Variants in NUDT5 observed in about 807,000 individuals in gnomAD.
The protein encoded by NUDT5 is ADP-sugar pyrophosphatase.
In NUDT5, 21 loss-of-function variants were observed where a neutral mutation model predicts 34.1. The ratio of observed to expected loss-of-function variants is 0.62; its 90% CI spans 0.44 to 0.89. The LOEUF is 0.89. NUDT5 is among the 40% of genes least tolerant of loss of function. NUDT5 has a pLI of 0.00. For missense variants in NUDT5, 249 were observed against 274.8 expected (o/e 0.91, Z 0.66); for synonymous variants, 85 against 97.6 (o/e 0.87, Z 0.76).
In NUDT5 at chr10:12,184,937, C is replaced by A; in HGVS notation, c.83G>T (p.Trp28Leu). The A allele has an allele frequency of 6.3e-7, 1 of 1,576,042 alleles. No homozygotes were observed. The highest frequency in any genetic ancestry group is 8.7e-7 in the Non-Finnish European group (1 of 1,149,506). ...GTACGTTGTTTTTTCAAGCTTGACC[C>A]ATTTTCCTTCTGAAATTAACTAAAA... is the stretch of plus-strand genomic sequence containing the variant. ...ISEELISEGK[W>L]VKLEKTTYMD... Residue 28 changes from tryptophan to leucine, a missense_variant, in exon 3 of 10, where the codon TGG becomes TTG. Transcript: ENST00000491614.
At chr10:12,172,517 C>T (rs764537748) in intron 7 of NUDT5, 32 of 545,908 alleles carry the variant, frequency 5.9e-5, no homozygotes, top group Non-Finnish European at 1.0e-4. Flanking sequence ...GAATACACTT[C>T]ATATAGAAAA....
At position 12,171,012 on chromosome 10, in the gene NUDT5, G is replaced by T; in HGVS notation, c.488-104C>A. On this transcript the variant is annotated intron_variant, in intron 7 of 9. Transcript: ENST00000491614. This position sits in a 1 kb window ranked among gnomAD's most constrained non-coding sequence, Gnocchi z 4.2. The stretch of plus-strand genomic sequence containing the variant: ...AAAAGGCTTTGAGAATTTCACAGAA[G>T]CCTGGGTTTCTGCTAACTTAATTTA... 2 of 1,228,614 alleles carry T rather than the reference G, an allele frequency of 1.6e-6. No homozygotes were observed. The highest frequency in any genetic ancestry group is 2.3e-6 in the Non-Finnish European group (2 of 863,820). The allele number at this position is 1,228,614 out of a possible 1,614,324, so 76.1% of individuals were successfully genotyped here. A position where few individuals can be genotyped will look rare whatever the true frequency, so the allele number is the denominator to read the frequency against.
Position 12,171,531 on chromosome 10 carries a change from G to A in NUDT5, c.488-623C>T, listed in dbSNP as rs373426698. On this transcript the variant is annotated intron_variant, in intron 7 of 9. Coordinates refer to ENST00000491614, the MANE Select transcript of NUDT5 (RefSeq NM_014142.4). The surrounding 1 kb of genome is among the most constrained non-coding windows in gnomAD (Gnocchi z 4.2). ...CAGAGGCGGCCATGAACACAGGCAC[G>A]CAAGTATATGAGTCCCTGTTTCACT... 5.3e-5 allele frequency among the ~76,000 whole-genome samples: 8 copies of A among 152,244 alleles called. No homozygotes were observed. The highest frequency in any genetic ancestry group is 9.6e-5 in the African/African-American group (4 of 41,562).
At position 12,168,742 on chromosome 10, in the gene NUDT5, T is replaced by C. The variant is rs1564420795; in HGVS notation, c.551-931A>G. 6.6e-6 allele frequency among the ~76,000 whole-genome samples: 1 copy of C among 152,154 alleles called. No homozygotes were observed. Among genetic ancestry groups the C allele is most frequent in the Non-Finnish European group, 1.5e-5 (1 of 68,014 alleles). On this transcript the variant is annotated intron_variant, in intron 9 of 9. Coordinates refer to ENST00000491614, the MANE Select transcript of NUDT5 (RefSeq NM_014142.4). The surrounding 1 kb of genome is among the most constrained non-coding windows in gnomAD (Gnocchi z 4.8). ...GGTAACTGGCAGATGCTACTCTTTG[T>C]AGCAAACTGATCTTTTTTTAATTTT...
chr10:12,172,883 CAG>C lies in NUDT5; in HGVS notation c.386-19_386-18del. 1 of 1,548,488 alleles carries C rather than the reference CAG, an allele frequency of 6.5e-7. No homozygotes were observed. The highest frequency in any genetic ancestry group is 8.9e-7 in the Non-Finnish European group (1 of 1,120,792). On this transcript the variant is annotated intron_variant, in intron 6 of 9. Coordinates refer to ENST00000491614, the MANE Select transcript of NUDT5 (RefSeq NM_014142.4). Reference sequence around the variant, plus strand: ...TACAGACCGCTGTGGAGAGAAGGGACAGTCAGATGCGTCAGTCCCTTTGGCAT... The same window carrying C: ...TACAGACCGCTGTGGAGAGAAGGGACTCAGATGCGTCAGTCCCTTTGGCAT...
rs777049277 is a variant in NUDT5, at chr10:12,179,080, T to C, written c.181+3A>G. The C allele has an allele frequency of 6.2e-7, 1 of 1,613,202 alleles. No homozygotes were observed. The highest frequency in any genetic ancestry group is 1.3e-5 in the African/African-American group (1 of 74,908). ...AAGGGTTGGAATAGGTTTGCACTCC[T>C]ACCATCCGCAGTCTGCTCTTTCCTG... is the stretch of plus-strand genomic sequence containing the variant. On this transcript the variant is annotated splice_donor_region_variant and intron_variant, in intron 4 of 9. Coordinates refer to ENST00000491614, the MANE Select transcript of NUDT5 (RefSeq NM_014142.4).
Position 12,184,438 on chromosome 10 carries a change from T to C in NUDT5, c.131+451A>G, listed in dbSNP as rs1053175221. 6 of 1,476,858 alleles carry C rather than the reference T, an allele frequency of 4.1e-6. No individual in the cohort carries two copies. The African/African-American group carries it at 4.2e-5, about 10-fold the overall frequency. The allele number at this position is 1,476,858 out of a possible 1,614,324, so 91.5% of individuals were successfully genotyped here. A position where few individuals can be genotyped will look rare whatever the true frequency, so the allele number is the denominator to read the frequency against. Reference sequence around the variant, plus strand: ...AGGGCTACTGACACATATTATGAAATAGGGTGTACAAAATGTTTTTTTCCC... The same window carrying C: ...AGGGCTACTGACACATATTATGAAACAGGGTGTACAAAATGTTTTTTTCCC... On this transcript the variant is annotated intron_variant, in intron 3 of 9. Transcript: ENST00000491614.
intron 5 of NUDT5, among the ~76,000 whole-genome samples, 200 bp downstream of exon 5, chr10:12,177,593 G>A (rs4750184): frequency 0.34 from 51,395 of 152,054 alleles, 9,268 homozygotes; most frequent in East Asian, 0.42. Context: ...GGTGGGAGGT[G>A]GCCTTGTGTC....
At chr10:12,184,463 C>A in intron 3 of NUDT5, 1 of 1,541,446 alleles carries the variant, frequency 6.5e-7, no homozygotes, top group South Asian at 1.2e-5. Flanking sequence ...GTTTTTTTCC[C>A]AATTTGCATT....
chr10:12,190,737 C>T (rs569218764), intron 1 of NUDT5, among the ~76,000 whole-genome samples: 1 of 150,576 alleles, frequency 6.6e-6, no homozygotes, highest in South Asian at 2.1e-4. Context: ...GCCTCCTGAA[C>T]AGCTGGGATT....
chr10:12,179,470 A>G (rs1197744189), intron 3 of NUDT5, among the ~76,000 whole-genome samples: 3 of 152,238 alleles, frequency 2.0e-5, no homozygotes, highest in Non-Finnish European at 4.4e-5. Flanking sequence ...GTGACAGATT[A>G]ATAAGCAGGT....
Position 12,171,681 on chromosome 10 carries a change from G to GATTT in NUDT5, c.488-777_488-774dup, listed in dbSNP as rs1274881927. The stretch of plus-strand genomic sequence containing the variant: ...TGTATATGTGCAGTTCAAAAATTAA[G>GATTT]ATTTATTTTATTTATTTATTTATTT... On this transcript the variant is annotated intron_variant, in intron 7 of 9. Transcript: ENST00000491614. This position sits in a 1 kb window ranked among gnomAD's most constrained non-coding sequence, Gnocchi z 4.2. Among the ~76,000 whole-genome samples the GATTT allele has an allele frequency of 6.1e-5, 9 of 147,200 alleles. No individual in the cohort carries two copies. The highest frequency in any genetic ancestry group is 2.3e-4 in the African/African-American group (9 of 39,992).
In NUDT5 at chr10:12,166,828, G is replaced by A. The variant is rs1834710450; in HGVS notation, c.*874C>T. On this transcript the variant is annotated 3_prime_UTR_variant, in exon 10 of 10. Transcript: ENST00000491614. ...ACACTGGTAGAACTGCTAGATGACA[G>A]GGTTTCAGGCATGGGAACCAGATCA... The A allele has an allele frequency of 4.4e-6, 2 of 459,100 alleles. No individual in the cohort carries two copies. Among genetic ancestry groups the A allele is most frequent in the Non-Finnish European group, 9.0e-6 (2 of 222,040 alleles). 28.4% of individuals were successfully genotyped at this position (459,100 alleles called of 1,614,324 possible).
chr10:12,177,292 G>C (rs1834966109), intron 5 of NUDT5, among the ~76,000 whole-genome samples: 1 of 152,116 alleles, frequency 6.6e-6, no homozygotes, highest in Non-Finnish European at 1.5e-5. Flanking sequence ...GGCCAAGGCA[G>C]GCAGATCACA....
intron 7 of NUDT5, 91 bp downstream of exon 7, chr10:12,172,674 G>A: frequency 2.5e-6 from 2 of 795,964 alleles, no homozygotes; most frequent in Admixed American, 2.0e-5. Flanking sequence ...TTCCATGAAA[G>A]ACTACATTCT....
At position 12,169,972 on chromosome 10, in the gene NUDT5, CT is replaced by C. The variant is rs1381171387; in HGVS notation, c.550+744del. 3 of 687,612 alleles carry C rather than the reference CT, an allele frequency of 4.4e-6. No homozygotes were observed. The highest frequency in any genetic ancestry group is 7.6e-6 in the Non-Finnish European group (3 of 394,070). 42.6% of individuals were successfully genotyped at this position (687,612 alleles called of 1,614,324 possible). ...TTCCCATGATGACAAGTGTCTGCTTCTTTCTAGATGAGTGAAAGGGATTTGC... is the reference window on the plus strand; with the variant it reads ...TTCCCATGATGACAAGTGTCTGCTTCTTCTAGATGAGTGAAAGGGATTTGC... On this transcript the variant is annotated intron_variant, in intron 9 of 9. Transcript: ENST00000491614. The surrounding 1 kb of genome is among the most constrained non-coding windows in gnomAD (Gnocchi z 4.8).
Position 12,167,766 on chromosome 10 carries a change from G to C in NUDT5, c.596C>G (p.Ser199Cys). The change falls in exon 10 of 10, where the codon TCC (serine) becomes TGC (cysteine). Residue 199 changes from serine to cysteine, a missense_variant. Ser to Cys is a moderately radical substitution (Grantham distance 112). Coordinates refer to ENST00000491614, the MANE Select transcript of NUDT5 (RefSeq NM_014142.4). ...TGCATGTTTCAGTGCTAGAGCGTAG[G>C]AATAGACCCTGGCGTCCACTGTGAG... ...EHLTVDARVYSYALALKHANA... is the reference protein window; with the variant it reads ...EHLTVDARVYCYALALKHANA... 6.2e-7 allele frequency: 1 copy of C among 1,614,166 alleles called. No individual in the cohort carries two copies. The highest frequency in any genetic ancestry group is 1.1e-5 in the South Asian group (1 of 91,080).
rs550000634 is a variant in NUDT5, at chr10:12,173,605, A to C, written c.385+113T>G. 2.3e-6 allele frequency: 2 copies of C among 867,078 alleles called. No individual in the cohort carries two copies. The highest frequency in any genetic ancestry group is 2.5e-5 in the East Asian group (1 of 40,566). The allele number at this position is 867,078 out of a possible 1,614,324, so 53.7% of individuals were successfully genotyped here. A position where few individuals can be genotyped will look rare whatever the true frequency, so the allele number is the denominator to read the frequency against. On this transcript the variant is annotated intron_variant, in intron 6 of 9. Transcript: ENST00000491614. This position sits in a 1 kb window ranked among gnomAD's most constrained non-coding sequence, Gnocchi z 4.7. Reference sequence around the variant, plus strand: ...TCCCTTACACTTGGTGACCAGTCCTAATCTGTGATTTCTTTCTCTTCAGTG... The same window carrying C: ...TCCCTTACACTTGGTGACCAGTCCTCATCTGTGATTTCTTTCTCTTCAGTG...
At chr10:12,191,866 G>C (rs959285499) in intron 1 of NUDT5, among the ~76,000 whole-genome samples, 4 of 152,174 alleles carry the variant, frequency 2.6e-5, no homozygotes, top group Non-Finnish European at 5.9e-5. Context: ...AGAGTTAAGT[G>C]GGAGTTTAGA....
Sources: gnomAD v4.1 joint callset for allele counts (sites outside exome capture counted in the v4.1 genomes callset) on GRCh38, gnomAD v4.1.1 for gene constraint, Gnocchi (gnomAD v3.1) non-coding constraint, MANE v1.5 for transcripts, NCBI Gene and HGNC (gene_info 2026-07-23, HGNC 2026-07-21) for gene names.